Variants in ARHGAP24 observed in about 807,000 individuals in gnomAD.
ARHGAP24 encodes the protein Rho GTPase activating protein 24.
A neutral mutation model predicts 76.4 loss-of-function variants in ARHGAP24; 50 were observed. The ratio of observed to expected loss-of-function variants is 0.65; its 90% CI spans 0.52 to 0.83. The LOEUF is 0.83. Ranked by LOEUF, ARHGAP24 falls within the 40% of genes least tolerant of loss-of-function variation. The pLI is 0.00. For synonymous variants in ARHGAP24, 345 were observed against 323.3 expected, an observed-to-expected ratio of 1.07 and a Z score of -0.72; for missense variants, 930 against 914.2, an observed-to-expected ratio of 1.02 and a Z score of -0.22.
chr4:85,863,049 C>T (rs1731990558), intron 3 of ARHGAP24, among the ~76,000 whole-genome samples: 1 of 152,098 alleles, frequency 6.6e-6, no homozygotes, highest in African/African-American at 2.4e-5. Flanking sequence ...CTGCGCTCCT[C>T]ACCATGGCTT....
intron 3 of ARHGAP24, among the ~76,000 whole-genome samples, chr4:85,888,587 C>A (rs907226515): frequency 1.3e-5 from 2 of 151,826 alleles, no homozygotes; most frequent in African/African-American, 4.8e-5. Flanking sequence ...TTTATTTACA[C>A]CATCTTGGAC....
At chr4:85,486,977 C>T (rs1324727955) in intron 1 of ARHGAP24, among the ~76,000 whole-genome samples, 1 of 151,734 alleles carries the variant, frequency 6.6e-6, no homozygotes, top group Non-Finnish European at 1.5e-5. Context: ...AAAGCTCCTT[C>T]AGCAGGAGTG....
intron 2 of ARHGAP24, among the ~76,000 whole-genome samples, chr4:85,622,914 C>T (rs555641466): frequency 6.6e-6 from 1 of 151,920 alleles, no homozygotes; most frequent in Non-Finnish European, 1.5e-5. Context: ...AGTGTCTGTT[C>T]ATATCCTTTG....
chr4:85,610,451 C>CGAA (rs1720342552), intron 2 of ARHGAP24, among the ~76,000 whole-genome samples: 1 of 51,212 alleles, frequency 2.0e-5, no homozygotes, highest in East Asian at 8.3e-4. Context: ...ACTCCATCTA[C>CGAA]AAAAAAAAAA....
At chr4:85,591,195 G>A (rs368323538) in intron 2 of ARHGAP24, among the ~76,000 whole-genome samples, 16 of 151,698 alleles carry the variant, frequency 1.1e-4, no homozygotes, top group African/African-American at 2.4e-4. Context: ...CAGGCATGGC[G>A]CCACCATGCC....
intron 3 of ARHGAP24, chr4:85,722,601 A>G (rs1724995566): frequency 6.4e-6 from 1 of 156,096 alleles, no homozygotes; most frequent in Non-Finnish European, 1.4e-5. Flanking sequence ...AGTCATCTGT[A>G]TTCATTCCTC....
intron 3 of ARHGAP24, among the ~76,000 whole-genome samples, chr4:85,830,809 C>A (rs140802936): frequency 7.0e-4 from 106 of 152,272 alleles, no homozygotes; most frequent in African/African-American, 2.4e-3. Context: ...AGTCACTGGG[C>A]TCCTCAGTGG....
chr4:85,734,605 A>G (rs1725534439), intron 3 of ARHGAP24, among the ~76,000 whole-genome samples: 1 of 148,268 alleles, frequency 6.7e-6, no homozygotes, highest in South Asian at 2.2e-4. Flanking sequence ...CTGGAAAACA[A>G]TTAGTGCAGG....
intron 4 of ARHGAP24, among the ~76,000 whole-genome samples, chr4:85,940,819 G>A (rs904394658): frequency 6.6e-6 from 1 of 152,188 alleles, no homozygotes; most frequent in Non-Finnish European, 1.5e-5. Context: ...GATACCAGGT[G>A]TAGAATAGTT....
intron 1 of ARHGAP24, among the ~76,000 whole-genome samples, chr4:85,496,071 C>T (rs1723570753): frequency 6.6e-6 from 1 of 152,208 alleles, no homozygotes; most frequent in Non-Finnish European, 1.5e-5. Context: ...TTCAGTGAAG[C>T]ACTCTTCCTC....
intron 1 of ARHGAP24, among the ~76,000 whole-genome samples, chr4:85,498,468 C>T (rs1723669119): frequency 6.6e-6 from 1 of 152,178 alleles, no homozygotes; most frequent in African/African-American, 2.4e-5. Flanking sequence ...AGGAGGAGAG[C>T]CCTAGAAGAG....
intron 3 of ARHGAP24, among the ~76,000 whole-genome samples, chr4:85,903,742 A>G (rs1734622539): frequency 6.6e-6 from 1 of 152,158 alleles, no homozygotes; most frequent in African/African-American, 2.4e-5. Flanking sequence ...CCAATTGTTT[A>G]AAATCTTCCC....
intron 2 of ARHGAP24, among the ~76,000 whole-genome samples, chr4:85,698,838 G>A (rs1170169200): frequency 6.6e-6 from 1 of 152,172 alleles, no homozygotes; most frequent in African/African-American, 2.4e-5. Context: ...TGCTGGAGGT[G>A]GGGCTGGGCA....
chr4:85,705,661 G>A (rs1249249232), intron 2 of ARHGAP24, among the ~76,000 whole-genome samples: 3 of 152,192 alleles, frequency 2.0e-5, no homozygotes, highest in Non-Finnish European at 4.4e-5. Context: ...AGTGTTATCT[G>A]TATTTTATAG....
At chr4:85,881,432 A>G (rs1733247115) in intron 3 of ARHGAP24, among the ~76,000 whole-genome samples, 1 of 149,318 alleles carries the variant, frequency 6.7e-6, no homozygotes, top group Non-Finnish European at 1.5e-5. Context: ...GATACGGTTG[A>G]GGAAGAATAG....
chr4:85,821,684 C>T (rs1729479484), intron 3 of ARHGAP24, among the ~76,000 whole-genome samples: 1 of 151,990 alleles, frequency 6.6e-6, no homozygotes, highest in Non-Finnish European at 1.5e-5. Context: ...CATGCCCAGC[C>T]TATTATTTTT....
chr4:85,952,142 G>A (rs1371101539), intron 5 of ARHGAP24, among the ~76,000 whole-genome samples: 1 of 152,080 alleles, frequency 6.6e-6, no homozygotes, highest in Non-Finnish European at 1.5e-5. Flanking sequence ...AAATAGATAA[G>A]CAGAGATTTA....
chr4:85,908,507 G>A (rs1178617447), intron 3 of ARHGAP24, among the ~76,000 whole-genome samples: 2 of 152,172 alleles, frequency 1.3e-5, no homozygotes, highest in Non-Finnish European at 2.9e-5. Flanking sequence ...TAGGAATGAG[G>A]AGAATGTTGT....
intron 1 of ARHGAP24, among the ~76,000 whole-genome samples, chr4:85,566,506 A>G (rs1726851177): frequency 6.6e-6 from 1 of 152,220 alleles, no homozygotes; most frequent in South Asian, 2.1e-4. Flanking sequence ...AAAAAAGTCA[A>G]GTTCTTAGCG....
Sources: gnomAD v4.1 joint callset for allele counts (sites outside exome capture counted in the v4.1 genomes callset) on GRCh38, gnomAD v4.1.1 for gene constraint, MANE v1.5 for transcripts, NCBI Gene and HGNC (gene_info 2026-07-23, HGNC 2026-07-21) for gene names.